ACSF3: variants seen among roughly 807,000 people sequenced by gnomAD.
The protein encoded by ACSF3 is acyl-CoA synthetase family member 3.
Under a neutral mutation model 53.2 loss-of-function variants are expected in ACSF3, and 78 were observed. The ratio of observed to expected loss-of-function variants is 1.47; its 90% CI spans 1.22 to 1.77. ACSF3 has a LOEUF of 1.77. Among genes scored for constraint, ACSF3 ranks in the 40% most tolerant of loss-of-function variants. The probability of loss-of-function intolerance (pLI) is 0.00; values close to 1 mark genes in which losing one functional copy is unlikely to be tolerated. For missense variants in ACSF3, 937 were observed against 771.1 expected (o/e 1.22, Z -2.55); for synonymous variants, 414 against 333.1 (o/e 1.24, Z -2.65).
chr16:89,145,021 A>T, intron 8 of ACSF3: 1 of 1,036,842 alleles, frequency 9.6e-7, no homozygotes, highest in Non-Finnish European at 1.4e-6. Flanking sequence ...GGGACCCCAC[A>T]GGAAGGGCAG....
intron 8 of ACSF3, among the ~76,000 whole-genome samples, chr16:89,137,744 TGA>T (rs1184822102): frequency 5.3e-5 from 8 of 152,024 alleles, no homozygotes; most frequent in Non-Finnish European, 1.0e-4. Flanking sequence ...ACCCCCAGAC[TGA>T]GAAATTCTGC....
intron 10 of ACSF3, chr16:89,148,858 A>C (rs1913593184): frequency 6.6e-6 from 1 of 152,160 alleles, no homozygotes; most frequent in South Asian, 2.1e-4. Context: ...AGGCACTTCC[A>C]TGAAGGTCTC....
intron 4 of ACSF3, among the ~76,000 whole-genome samples, chr16:89,105,365 G>A (rs956299224): frequency 5.9e-5 from 9 of 152,114 alleles, no homozygotes; most frequent in African/African-American, 1.9e-4. Context: ...TCTGGGGTGC[G>A]CCCTGCATGG....
At chr16:89,144,803 CT>C (rs1022254352) in intron 8 of ACSF3, among the ~76,000 whole-genome samples, 2 of 152,220 alleles carry the variant, frequency 1.3e-5, no homozygotes, top group African/African-American at 4.8e-5. Context: ...AGACCCTGTG[CT>C]TGTTGCTCAG....
chr16:89,097,119 G>T (rs1220654025), intron 1 of ACSF3, among the ~76,000 whole-genome samples: 4 of 152,240 alleles, frequency 2.6e-5, no homozygotes, highest in African/African-American at 7.2e-5. Flanking sequence ...AATGCCAAAA[G>T]GGGGGCTGTG....
chr16:89,135,932 G>A (rs111418619), intron 8 of ACSF3, among the ~76,000 whole-genome samples: 4 of 152,306 alleles, frequency 2.6e-5, no homozygotes, highest in African/African-American at 9.6e-5. Context: ...CCGCCACCAC[G>A]CCCGGCTAAT....
Position 89,101,330 on chromosome 16 carries a change from C to G in ACSF3, c.649C>G (p.Gln217Glu). Residue 217 changes from glutamine to glutamate, a missense_variant, in exon 3 of 11, where the codon CAA becomes GAA. Gln to Glu is a conservative substitution (Grantham distance 29). Transcript: ENST00000614302. Reference protein sequence around the residue: ...GRPKGVLSTHQNIRAVVTGLV... With the variant: ...GRPKGVLSTHENIRAVVTGLV... ...GCCCAAGGGCGTGCTGAGCACGCAC[C>G]AAAACATCAGGGCTGTGGTGAGTGC... is the stretch of plus-strand genomic sequence containing the variant. The G allele has an allele frequency of 1.3e-6, 2 of 1,590,696 alleles. No individual in the cohort carries two copies. The highest frequency in any genetic ancestry group is 2.7e-5 in the African/African-American group (2 of 74,580).
intron 1 of ACSF3, among the ~76,000 whole-genome samples, chr16:89,097,191 C>CGTGTGCTCAGCGTGTGGTTAG (rs1567678723): frequency 2.0e-5 from 3 of 152,014 alleles, no homozygotes; most frequent in Admixed American, 2.0e-4. Flanking sequence ...CGTGTGGTTA[C>CGTGTGCTCAGCGTGTGGTTAG]CGTGTGCACA....
In ACSF3 at chr16:89,141,342, T is replaced by G; in HGVS notation, c.1367-3925T>G. 1.1e-5 allele frequency: 14 copies of G among 1,266,728 alleles called. No individual in the cohort carries two copies. The South Asian group carries it at 1.7e-4, about 16-fold the overall frequency. The allele number at this position is 1,266,728 out of a possible 1,614,324, so 78.5% of individuals were successfully genotyped here. Reference sequence around the variant, plus strand: ...TGTCGACCCTCGGAGCTGAGACTGCTCTGTGCTGAGAAGCTAGAACAAAGC... The same window carrying G: ...TGTCGACCCTCGGAGCTGAGACTGCGCTGTGCTGAGAAGCTAGAACAAAGC... On this transcript the variant is annotated intron_variant, in intron 8 of 10. Coordinates refer to ENST00000614302, the MANE Select transcript of ACSF3 (RefSeq NM_001243279.3).
At chr16:89,114,744 A>G (rs1020276383) in intron 6 of ACSF3, 3 of 564,802 alleles carry the variant, frequency 5.3e-6, no homozygotes, top group Non-Finnish European at 9.6e-6. Context: ...GACTGGGGAG[A>G]CAATGGGAAG....
At chr16:89,146,096 G>A (rs1341035383) in intron 10 of ACSF3, 47 bp downstream of exon 10, 1 of 1,447,354 alleles carries the variant, frequency 6.9e-7, no homozygotes, top group East Asian at 2.3e-5. Context: ...GGTCTTGGGG[G>A]TCCAGTCTTG....
chr16:89,114,995 C>T (rs1423191487), intron 6 of ACSF3: 1 of 266,528 alleles, frequency 3.8e-6, no homozygotes, highest in East Asian at 9.3e-5. Context: ...CTTGTCCAGC[C>T]TTCCCTAACA....
In ACSF3 at chr16:89,102,657, C is replaced by T. The variant is rs778493922; in HGVS notation, c.720C>T (p.His240=). 3.0e-5 allele frequency: 49 copies of T among 1,613,794 alleles called. No homozygotes were observed. Among genetic ancestry groups the T allele is most frequent in the Non-Finnish European group, 3.6e-5 (43 of 1,180,028 alleles). The part of the protein sequence containing the change: ...WAWTKDDVIL[H]VLPLHHVHGV... Reference sequence around the variant, plus strand: ...GGACCAAAGACGACGTGATCCTCCACGTGCTCCCGCTGCACCACGTCCATG... The same window carrying T: ...GGACCAAAGACGACGTGATCCTCCATGTGCTCCCGCTGCACCACGTCCATG... Residue 240 remains histidine (H), a synonymous_variant, in exon 4 of 11, where the codon CAC becomes CAT. Coordinates refer to ENST00000614302, the MANE Select transcript of ACSF3 (RefSeq NM_001243279.3).
chr16:89,141,999 T>A (rs12917851), intron 8 of ACSF3, among the ~76,000 whole-genome samples: 22,209 of 152,180 alleles, frequency 0.15, 1,796 homozygotes, highest in African/African-American at 0.22. Context: ...AGACACAGCC[T>A]TTTTCCGACA....
rs146613969 is a variant in ACSF3, at chr16:89,143,217, T to C, written c.1367-2050T>C. On this transcript the variant is annotated intron_variant, in intron 8 of 10. Transcript: ENST00000614302. ...AGTGCCGTGCGTAGCTTTGGTGCAG[T>C]CTCAGCCCCGTGCGTAGCTGTGGTG... Among the ~76,000 whole-genome samples, 4 of 149,038 alleles carry C rather than the reference T, an allele frequency of 2.7e-5. No individual in the cohort carries two copies. In the East Asian group the frequency reaches 5.8e-4, roughly 22 times the overall value.
At position 89,155,445 on chromosome 16, in the gene ACSF3, T is replaced by G. The variant is rs944776407; in HGVS notation, c.*1238T>G. ...TGGGGCCCCTGCTCACTTGAGCATG[T>G]CGCCCACCAAGCTTGTCTGAGGCCA... On this transcript the variant is annotated 3_prime_UTR_variant, in exon 11 of 11. Coordinates refer to ENST00000614302, the MANE Select transcript of ACSF3 (RefSeq NM_001243279.3). The G allele has an allele frequency of 2.2e-6, 1 of 454,150 alleles. No homozygotes were observed. Among genetic ancestry groups the G allele is most frequent in the South Asian group, 1.6e-5 (1 of 64,480 alleles). 28.1% of individuals were successfully genotyped at this position (454,150 alleles called of 1,614,324 possible). A position where few individuals can be genotyped will look rare whatever the true frequency, so the allele number is the denominator to read the frequency against.
At chr16:89,122,410 C>T (rs1597993058) in intron 7 of ACSF3, 1 of 452,600 alleles carries the variant, frequency 2.2e-6, no homozygotes, top group Non-Finnish European at 4.5e-6. Context: ...CATGCCTCTC[C>T]TGGGATTCCT....
In ACSF3 at chr16:89,102,353, A is replaced by G. The variant is rs1261388077; in HGVS notation, c.667-251A>G. The G allele has an allele frequency of 1.5e-5, 8 of 550,850 alleles. No individual in the cohort carries two copies. In the East Asian group the frequency reaches 2.5e-4, roughly 18 times the overall value. 34.1% of individuals were successfully genotyped at this position (550,850 alleles called of 1,614,324 possible). ...GCAGAGCCACTCCCCGACCTTCTAA[A>G]TTCCCTAAAGCCTCTGGCTGTGTGT... On this transcript the variant is annotated intron_variant, in intron 3 of 10. Transcript: ENST00000614302.
At position 89,106,577 on chromosome 16, in the gene ACSF3, C is replaced by T. The variant is rs140327853; in HGVS notation, c.822+3818C>T. On this transcript the variant is annotated intron_variant, in intron 4 of 10. Coordinates refer to ENST00000614302, the MANE Select transcript of ACSF3 (RefSeq NM_001243279.3). Reference sequence around the variant, plus strand: ...AAAGTGCTGGGATTACAGACGTAAGCCACTATGCCCAGCTGAAAACTTAAT... The same window carrying T: ...AAAGTGCTGGGATTACAGACGTAAGTCACTATGCCCAGCTGAAAACTTAAT... Among the ~76,000 whole-genome samples the T allele has an allele frequency of 4.9e-3, 743 of 152,318 alleles. 5 individuals carry two copies. The highest frequency in any genetic ancestry group is 0.017 in the African/African-American group (711 of 41,564).
Sources: gnomAD v4.1 joint callset for allele counts (sites outside exome capture counted in the v4.1 genomes callset) on GRCh38, gnomAD v4.1.1 for gene constraint, MANE v1.5 for transcripts, NCBI Gene and HGNC (gene_info 2026-07-23, HGNC 2026-07-21) for gene names.